The following SUMF1 variants were observed in gnomAD, a reference collection of about 807,000 sequenced individuals.
The protein encoded by SUMF1 is formylglycine-generating enzyme.
In SUMF1, 48 loss-of-function variants were observed where a neutral mutation model predicts 47.6. That is an observed-to-expected ratio of 1.01 (90% CI 0.80 to 1.28). The LOEUF is 1.28. Ranked by LOEUF, SUMF1 falls within the 50% of genes most tolerant of loss-of-function variation. The pLI is 0.00. For synonymous variants in SUMF1, 230 were observed against 192.1 expected, an observed-to-expected ratio of 1.20 and a Z score of -1.63; for missense variants, 571 against 485.4, an observed-to-expected ratio of 1.18 and a Z score of -1.66.
At chr3:4,073,981 A>G (rs1692353748) in intron 8 of SUMF1, among the ~76,000 whole-genome samples, 1 of 152,218 alleles carries the variant, frequency 6.6e-6, no homozygotes, top group African/African-American at 2.4e-5. Flanking sequence ...GCTCTGGACC[A>G]TGCGGACCTA....
chr3:4,333,717 G>C (rs1575106064), intron 8 of SUMF1, among the ~76,000 whole-genome samples: 2 of 152,204 alleles, frequency 1.3e-5, no homozygotes, highest in East Asian at 3.9e-4. Flanking sequence ...TGAGGACTCA[G>C]AGCAATGAAG....
intron 8 of SUMF1, among the ~76,000 whole-genome samples, chr3:4,272,190 T>A (rs1697318551): frequency 6.6e-6 from 1 of 152,164 alleles, no homozygotes; most frequent in Admixed American, 6.5e-5. Context: ...AAGATAGCGA[T>A]TTGTTGTTTT....
intron 8 of SUMF1, among the ~76,000 whole-genome samples, chr3:4,075,385 A>G (rs1278258253): frequency 6.6e-6 from 1 of 152,130 alleles, no homozygotes; most frequent in East Asian, 1.9e-4. Context: ...ACAATATCAC[A>G]CCAAATGGGC....
chr3:4,408,876 C>T (rs1056129678), intron 7 of SUMF1, among the ~76,000 whole-genome samples: 2 of 151,776 alleles, frequency 1.3e-5, no homozygotes, highest in Non-Finnish European at 2.9e-5. Flanking sequence ...GCATGAGAAT[C>T]GATTGAACAC....
chr3:4,083,089 T>G (rs1692601037), intron 8 of SUMF1, among the ~76,000 whole-genome samples: 2 of 152,248 alleles, frequency 1.3e-5, no homozygotes, highest in South Asian at 4.2e-4. Flanking sequence ...TAGATCAAAG[T>G]GCACCCCGTG....
intron 8 of SUMF1, among the ~76,000 whole-genome samples, chr3:4,116,274 C>G (rs886380167): frequency 6.6e-6 from 1 of 152,122 alleles, no homozygotes; most frequent in Non-Finnish European, 1.5e-5. Flanking sequence ...TACCCAACAT[C>G]AAGGGCCACA....
intron 8 of SUMF1, among the ~76,000 whole-genome samples, chr3:4,166,402 G>C (rs1464312309): frequency 2.0e-5 from 3 of 152,100 alleles, no homozygotes; most frequent in Non-Finnish European, 4.4e-5. Flanking sequence ...TTCATGAATA[G>C]CCTTTGTTAG....
intron 8 of SUMF1, among the ~76,000 whole-genome samples, chr3:4,210,750 T>A (rs1368459321): frequency 1.3e-5 from 2 of 152,028 alleles, no homozygotes; most frequent in Non-Finnish European, 2.9e-5. Flanking sequence ...CTGGATTGGG[T>A]TGAAGGATGC....
chr3:4,420,607 A>G (rs1293752915), intron 3 of SUMF1, among the ~76,000 whole-genome samples: 1 of 152,082 alleles, frequency 6.6e-6, no homozygotes, highest in Non-Finnish European at 1.5e-5. Context: ...TCTGTTAGCC[A>G]GGATGGTCTC....
At position 4,074,489 on chromosome 3, in the gene SUMF1, C is replaced by T. The variant is rs374791396; in HGVS notation, c.1015-5744G>A. On this transcript the variant is annotated intron_variant and NMD_transcript_variant, in intron 8 of 12. Transcript: ENST00000448413. ...GCAGAAGGCAAGAAATAACTAAGCT[C>T]AGAGCAGGACTAAAGGAGAAAGAGA... Among the ~76,000 whole-genome samples the T allele has an allele frequency of 9.6e-4, 146 of 152,010 alleles. 2 individuals carry two copies. In the South Asian group the frequency reaches 0.03, roughly 31 times the overall value.
intron 8 of SUMF1, among the ~76,000 whole-genome samples, chr3:4,161,032 G>A (rs566988326): frequency 1.3e-5 from 2 of 152,248 alleles, no homozygotes; most frequent in East Asian, 1.9e-4. Context: ...CATTGCAGCT[G>A]TATCTGCTTC....
chr3:4,281,190 C>A (rs991338851), intron 8 of SUMF1, among the ~76,000 whole-genome samples: 8 of 152,204 alleles, frequency 5.3e-5, no homozygotes, highest in African/African-American at 1.4e-4. Context: ...TTTGACGGAG[C>A]TCCTCTGTGC....
intron 8 of SUMF1, among the ~76,000 whole-genome samples, chr3:4,177,738 C>A (rs1305065789): frequency 6.6e-6 from 1 of 152,022 alleles, no homozygotes; most frequent in African/African-American, 2.4e-5. Context: ...TCAAAAAAAT[C>A]AGTGAATCCA....
chr3:4,332,111 C>T (rs1381087485), intron 8 of SUMF1, among the ~76,000 whole-genome samples: 1 of 146,242 alleles, frequency 6.8e-6, no homozygotes, highest in Admixed American at 6.8e-5. Flanking sequence ...TTGATTTAAG[C>T]ACTTCCTTTT....
intron 8 of SUMF1, among the ~76,000 whole-genome samples, chr3:4,260,044 T>C (rs886268802): frequency 6.6e-6 from 1 of 151,210 alleles, no homozygotes; most frequent in Non-Finnish European, 1.5e-5. Flanking sequence ...AAAAGAGTAA[T>C]GATCTAGTTC....
At chr3:4,461,464 G>C (rs188277525) in intron 1 of SUMF1, among the ~76,000 whole-genome samples, 6 of 152,330 alleles carry the variant, frequency 3.9e-5, no homozygotes, top group Admixed American at 6.5e-5. Context: ...CTTCCTGTTA[G>C]GAGAACAGTT....
chr3:4,246,314 A>C (rs1696669410), intron 8 of SUMF1, among the ~76,000 whole-genome samples: 1 of 151,814 alleles, frequency 6.6e-6, no homozygotes, highest in East Asian at 1.9e-4. Context: ...CCTCAGTTGG[A>C]AATGCAGAAA....
intron 8 of SUMF1, among the ~76,000 whole-genome samples, chr3:4,271,992 T>C (rs1329461346): frequency 1.3e-5 from 2 of 152,186 alleles, no homozygotes; most frequent in Non-Finnish European, 2.9e-5. Flanking sequence ...TGGGAATCTC[T>C]GTCATAATTA....
intron 8 of SUMF1, among the ~76,000 whole-genome samples, chr3:4,111,654 G>A (rs1442279326): frequency 2.0e-5 from 3 of 151,944 alleles, no homozygotes; most frequent in South Asian, 2.1e-4. Flanking sequence ...CAAGACAATC[G>A]ATTGAACCCA....
Sources: allele counts gnomAD v4.1 joint callset (sites outside exome capture counted in the v4.1 genomes callset), GRCh38; gene constraint gnomAD v4.1.1; transcripts MANE v1.5; gene names NCBI Gene and HGNC (gene_info 2026-07-23, HGNC 2026-07-21).